ROBO3: variants seen among roughly 807,000 people sequenced by gnomAD.
ROBO3 encodes roundabout guidance receptor 3, also known as roundabout homolog 3.
Under a neutral mutation model 160.5 loss-of-function variants are expected in ROBO3, and 97 were observed. The observed-to-expected ratio is 0.60, with a 90% confidence interval of 0.51 to 0.72. The LOEUF is 0.72. ROBO3 is among the 30% of genes least tolerant of loss of function. ROBO3 has a pLI of 0.00. For synonymous variants in ROBO3, 780 were observed against 746.2 expected, an observed-to-expected ratio of 1.05 and a Z score of -0.74; for missense variants, 1,858 against 1,846.5, an observed-to-expected ratio of 1.01 and a Z score of -0.11.
At chr11:124,880,716 A>C in intron 27 of ROBO3, 108 bp downstream of exon 27, 1 of 1,410,898 alleles carries the variant, frequency 7.1e-7, no homozygotes, top group Non-Finnish European at 9.3e-7. Flanking sequence ...GGAGTGTCAA[A>C]AGGAGGGGAT....
At position 124,876,846 on chromosome 11, in the gene ROBO3, A is replaced by G. The variant is rs537990047; in HGVS notation, c.2780-315A>G. 135 of 557,460 alleles carry G rather than the reference A, an allele frequency of 2.4e-4. No homozygotes were observed. The highest frequency in any genetic ancestry group is 3.9e-4 in the Non-Finnish European group (123 of 313,236). The allele number at this position is 557,460 out of a possible 1,614,324, so 34.5% of individuals were successfully genotyped here. Reference sequence around the variant, plus strand: ...AAATTGTGCGGCGGGGTCTGGATGGAAAGGCGGGGCCCGCTGAAAGAAGGC... The same window carrying G: ...AAATTGTGCGGCGGGGTCTGGATGGGAAGGCGGGGCCCGCTGAAAGAAGGC... On this transcript the variant is annotated intron_variant, in intron 17 of 27. Transcript: ENST00000397801. The surrounding 1 kb of genome is among the most constrained non-coding windows in gnomAD (Gnocchi z 5.3).
rs1253294967 is a variant in ROBO3 at position 124,869,308 on chromosome 11, C to T, written c.488-142C>T. 9.1e-7 allele frequency: 1 copy of T among 1,095,056 alleles called. No homozygotes were observed. The highest frequency in any genetic ancestry group is 1.3e-5 in the South Asian group (1 of 74,950). 67.8% of individuals were successfully genotyped at this position (1,095,056 alleles called of 1,614,324 possible). ...CGGCCAGAGAAGGAAGTGGATCTGACTCCAGGCTGATATTTTCTCACCTGG... is the reference window on the plus strand; with the variant it reads ...CGGCCAGAGAAGGAAGTGGATCTGATTCCAGGCTGATATTTTCTCACCTGG... On this transcript the variant is annotated intron_variant, in intron 2 of 27. Transcript: ENST00000397801. This position sits in a 1 kb window ranked among gnomAD's most constrained non-coding sequence, Gnocchi z 4.2.
rs1273789860 is a variant in ROBO3, at chr11:124,877,639, G to A, written c.2967G>A (p.Pro989=). The stretch of plus-strand genomic sequence containing the variant: ...GCTGCTGCCCTAGCAATCCTGACCC[G>A]GACGACAGATATTACAACGGTGAGG... ...RGSCCPSNPD[P]DDRYYNEAGI... Residue 989 remains proline, a synonymous_variant, in exon 20 of 28, where the codon CCG becomes CCA. Coordinates refer to ENST00000397801, the MANE Select transcript of ROBO3 (RefSeq NM_022370.4). 3.7e-6 allele frequency: 6 copies of A among 1,610,706 alleles called. No homozygotes were observed. The East Asian group carries it at 6.7e-5, about 18-fold the overall frequency.
Position 124,865,854 on chromosome 11 carries a change from C to CA in ROBO3, c.160+118dup. On this transcript the variant is annotated intron_variant, in intron 1 of 27. Coordinates refer to ENST00000397801, the MANE Select transcript of ROBO3 (RefSeq NM_022370.4). This position sits in a 1 kb window ranked among gnomAD's most constrained non-coding sequence, Gnocchi z 5.5. ...AGGTCCGGGATTGAGTGGCGCCTCC[C>CA]AGCGCCTCCCTGGGTCGTGGGGTCT... The CA allele has an allele frequency of 8.5e-7, 1 of 1,175,340 alleles. No homozygotes were observed. Among genetic ancestry groups the CA allele is most frequent in the Non-Finnish European group, 1.2e-6 (1 of 854,238 alleles). The allele number at this position is 1,175,340 out of a possible 1,614,324, so 72.8% of individuals were successfully genotyped here.
rs745464981 is a variant in ROBO3 at position 124,880,487 on chromosome 11, C to T, written c.4028C>T (p.Thr1343Met). ...GGCCAGGGCACCAGCACATGTTCCA[C>T]GGCCGGCAGCAACTCTTCCAGGGGC... ...SRGQGTSTCS[T>M]AGSNSSRGSS... is the part of the protein sequence containing the mutation. The change falls in exon 27 of 28, where the codon ACG (threonine) becomes ATG (methionine). Residue 1343 changes from threonine (T) to methionine (M), a missense_variant. Transcript: ENST00000397801. 22 of 1,604,560 alleles carry T rather than the reference C, an allele frequency of 1.4e-5. No homozygotes were observed. Among genetic ancestry groups the T allele is most frequent in the African/African-American group, 8.0e-5 (6 of 74,756 alleles).
chr11:124,875,545 A>G lies in ROBO3; in HGVS notation c.2300-19A>G, dbSNP rs1946345796. 2 of 1,610,550 alleles carry G rather than the reference A, an allele frequency of 1.2e-6. No homozygotes were observed. The highest frequency in any genetic ancestry group is 4.5e-5 in the East Asian group (2 of 44,840). On this transcript the variant is annotated intron_variant, in intron 14 of 27. Transcript: ENST00000397801. ...AATGACTATTTGTGTCCTTCTCACC[A>G]TGCTCCACCCTGGCCCAGCCCCCAG...
Position 124,870,069 on chromosome 11 carries a change from G to A in ROBO3, c.766+1G>A, listed in dbSNP as rs1946259671. ...GCGGCAGCTGAAGTCATGGTACTGG[G>A]TAGGCACAGGGAATTTTGACATTAT... On this transcript the variant is annotated splice_donor_variant, in intron 4 of 27. Coordinates refer to ENST00000397801, the MANE Select transcript of ROBO3 (RefSeq NM_022370.4). LOFTEE classifies it high-confidence loss of function. 6.2e-7 allele frequency: 1 copy of A among 1,613,994 alleles called. No homozygotes were observed. Among genetic ancestry groups the A allele is most frequent in the South Asian group, 1.1e-5 (1 of 91,084 alleles).
At chr11:124,868,527 C>G in intron 1 of ROBO3, 1 of 612,266 alleles carries the variant, frequency 1.6e-6, no homozygotes. Flanking sequence ...ACGGAGGTCT[C>G]TAGGTGGTCC....
chr11:124,874,176 G>A lies in ROBO3; in HGVS notation c.1891G>A (p.Ala631Thr), dbSNP rs1210217287. 1 of 1,613,882 alleles carries A rather than the reference G, an allele frequency of 6.2e-7. No homozygotes were observed. The highest frequency in any genetic ancestry group is 1.3e-5 in the African/African-American group (1 of 74,928). The change falls in exon 12 of 28, where the codon GCA (alanine) becomes ACA (threonine). Residue 631 changes from alanine to threonine, a missense_variant. Ala to Thr is a moderately conservative substitution (Grantham distance 58, BLOSUM62 0). Coordinates refer to ENST00000397801, the MANE Select transcript of ROBO3 (RefSeq NM_022370.4). ...TACCATCTACCTGTTTCTGGTTCGAGCAGTGGGAGCCTGGGGCCTCAGTGA... is the reference window on the plus strand; with the variant it reads ...TACCATCTACCTGTTTCTGGTTCGAACAGTGGGAGCCTGGGGCCTCAGTGA... ...PNTIYLFLVRAVGAWGLSEPS... is the reference protein window; with the variant it reads ...PNTIYLFLVRTVGAWGLSEPS...
rs1565312595 is a variant in ROBO3 at position 124,874,890 on chromosome 11, CCCTGCAGGTGT to C, written c.2059_2069del (p.Gln687AspfsTer22). The C allele has an allele frequency of 6.2e-7, 1 of 1,603,692 alleles. No homozygotes were observed. Among genetic ancestry groups the C allele is most frequent in the Non-Finnish European group, 8.5e-7 (1 of 1,175,330 alleles). ...GAGCCCATAGTCCTGGGACCCCGGACCCTGCAGGTGTCCTGGACTGTGAGTGTGGTATGGGG... is the reference window on the plus strand; with the variant it reads ...GAGCCCATAGTCCTGGGACCCCGGACCCTGGACTGTGAGTGTGGTATGGGG... On this transcript the variant is annotated frameshift_variant, in exon 13 of 28. Transcript: ENST00000397801. LOFTEE classifies it high-confidence loss of function.
Position 124,870,144 on chromosome 11 carries a change from TCACTCACTAC to T in ROBO3, c.767-15_767-6del, listed in dbSNP as rs1946261273. ...GTAGCCGTGCAGACACCCTGACTGTTCACTCACTACCACTCCATAGAGCGTCCCTCATTCC... is the reference window on the plus strand; with the variant it reads ...GTAGCCGTGCAGACACCCTGACTGTTCACTCCATAGAGCGTCCCTCATTCC... On this transcript the variant is annotated splice_polypyrimidine_tract_variant and intron_variant, in intron 4 of 27. Transcript: ENST00000397801. 6.2e-7 allele frequency: 1 copy of T among 1,614,006 alleles called. No homozygotes were observed. Among genetic ancestry groups the T allele is most frequent in the Non-Finnish European group, 8.5e-7 (1 of 1,179,882 alleles).
rs1946302278 is a variant in ROBO3, at chr11:124,873,165, C to T, written c.1536+76C>T. ...CGTTCCTTACACAAGTAAGTACTCA[C>T]TGGGCCTGTAGCCCCATCTTTACCC... On this transcript the variant is annotated intron_variant, in intron 9 of 27. Coordinates refer to ENST00000397801, the MANE Select transcript of ROBO3 (RefSeq NM_022370.4). This position sits in a 1 kb window ranked among gnomAD's most constrained non-coding sequence, Gnocchi z 4.5. The T allele has an allele frequency of 6.7e-6, 10 of 1,484,892 alleles. No homozygotes were observed. Among genetic ancestry groups the T allele is most frequent in the Non-Finnish European group, 9.3e-6 (10 of 1,076,794 alleles). 92.0% of individuals were successfully genotyped at this position (1,484,892 alleles called of 1,614,324 possible).
rs750191114 is a variant in ROBO3, at chr11:124,873,838, C to A, written c.1760C>A (p.Thr587Lys). ...AACCCACAAACTGGGGCTGCAGTCA[C>A]GTCTTATGTGATAGAGGCCTTCAGG... ...KPNPQTGAAV[T>K]SYVIEAFSPA... is the part of the protein sequence containing the mutation. Residue 587 changes from threonine (T) to lysine (K), a missense_variant, in exon 11 of 28, where the codon ACG becomes AAG. By Grantham distance (78) the Thr-to-Lys change is moderately conservative (BLOSUM62 -1). Coordinates refer to ENST00000397801, the MANE Select transcript of ROBO3 (RefSeq NM_022370.4). This position sits in a 1 kb window ranked among gnomAD's most constrained non-coding sequence, Gnocchi z 4.5. 6.2e-7 allele frequency: 1 copy of A among 1,613,554 alleles called. No individual in the cohort carries two copies. The highest frequency in any genetic ancestry group is 1.1e-5 in the South Asian group (1 of 90,996).
chr11:124,873,979 A>C lies in ROBO3; in HGVS notation c.1785-91A>C. On this transcript the variant is annotated intron_variant, in intron 11 of 27. Transcript: ENST00000397801. This position sits in a 1 kb window ranked among gnomAD's most constrained non-coding sequence, Gnocchi z 4.5. ...CAGTACCCTCTTGCAAGGGGAAGACATAATGGTCGTTCATAGAGAGTGGAT... is the reference window on the plus strand; with the variant it reads ...CAGTACCCTCTTGCAAGGGGAAGACCTAATGGTCGTTCATAGAGAGTGGAT... 6.3e-7 allele frequency: 1 copy of C among 1,588,130 alleles called. No individual in the cohort carries two copies. The highest frequency in any genetic ancestry group is 8.6e-7 in the Non-Finnish European group (1 of 1,160,332).
rs2135339014 is a variant in ROBO3, at chr11:124,877,363, C to T, written c.2846+54C>T. 3 of 1,608,678 alleles carry T rather than the reference C, an allele frequency of 1.9e-6. No homozygotes were observed. The East Asian group carries it at 6.7e-5, about 36-fold the overall frequency. On this transcript the variant is annotated intron_variant, in intron 19 of 27. Coordinates refer to ENST00000397801, the MANE Select transcript of ROBO3 (RefSeq NM_022370.4). ...TGACCTCCACCGACAGGCCACTCTT[C>T]TTCCGCCCCGCTGACGCCCCAGGTG... is the stretch of plus-strand genomic sequence containing the variant.
chr11:124,879,117 C>G, intron 23 of ROBO3, 73 bp from the exon 24 acceptor site: 1 of 1,478,364 alleles, frequency 6.8e-7, no homozygotes, highest in Non-Finnish European at 9.2e-7. Flanking sequence ...GATTGTCTAG[C>G]ACAGTGCCAG....
intron 13 of ROBO3, 95 bp downstream of exon 13, chr11:124,875,004 G>A (rs935175152): frequency 1.4e-5 from 21 of 1,522,538 alleles, no homozygotes; most frequent in Admixed American, 2.0e-5. Context: ...GAGGTGAGTG[G>A]CTGGGGAAGG....
At chr11:124,875,510 G>T in intron 14 of ROBO3, 54 bp from the exon 15 acceptor site, 2 of 1,600,580 alleles carry the variant, frequency 1.2e-6, no homozygotes, top group Admixed American at 3.5e-5. Context: ...GGGCAGGAGG[G>T]GCAGCTTGCA....
At position 124,869,980 on chromosome 11, in the gene ROBO3, A is replaced by G; in HGVS notation, c.678A>G (p.Thr226=). ...GAGGGAAGCTGATGATGTCACATACACTCAAGAGCGATGCAGGCATGTATG... is the reference window on the plus strand; with the variant it reads ...GAGGGAAGCTGATGATGTCACATACGCTCAAGAGCGATGCAGGCATGTATG... ...IRGGKLMMSH[T]LKSDAGMYVC... is the part of the protein sequence containing the mutation. Residue 226 remains threonine, a synonymous_variant, in exon 4 of 28, where the codon ACA becomes ACG. Transcript: ENST00000397801. The surrounding 1 kb of genome is among the most constrained non-coding windows in gnomAD (Gnocchi z 4.2). 6.2e-7 allele frequency: 1 copy of G among 1,613,046 alleles called. No homozygotes were observed. The highest frequency in any genetic ancestry group is 8.5e-7 in the Non-Finnish European group (1 of 1,179,464).
Sources: allele counts gnomAD v4.1 joint callset, GRCh38; gene constraint gnomAD v4.1.1; non-coding constraint Gnocchi (gnomAD v3.1); transcripts MANE v1.5; gene names NCBI Gene and HGNC (gene_info 2026-07-23, HGNC 2026-07-21).